Variants in FAM227B observed in about 807,000 individuals in gnomAD.
FAM227B encodes family with sequence similarity 227 member B, also known as protein FAM227B.
A neutral mutation model predicts 73.8 loss-of-function variants in FAM227B; 88 were observed. The ratio of observed to expected loss-of-function variants is 1.19; its 90% CI spans 1.00 to 1.42. The LOEUF (loss-of-function observed/expected upper bound fraction) is 1.42, where lower values mean the gene tolerates loss of function less well. Ranked by LOEUF, FAM227B falls within the 40% of genes most tolerant of loss-of-function variation. The pLI, the probability that FAM227B is intolerant of heterozygous loss-of-function variation, is 0.00. For missense variants in FAM227B, 632 were observed against 590.9 expected (o/e 1.07, Z -0.72); for synonymous variants, 210 against 190.5 (o/e 1.10, Z -0.84).
intron 10 of FAM227B, 111 bp from the exon 11 acceptor site, chr15:49,508,459 A>AGTTCCTTTTTT: frequency 3.9e-6 from 4 of 1,019,668 alleles, no homozygotes. Flanking sequence ...ACAACAAAAA[A>AGTTCCTTTTTT]GTTCCTTTTT....
At chr15:49,339,561 C>T (rs2040347276) in intron 13 of FAM227B, among the ~76,000 whole-genome samples, 1 of 152,132 alleles carries the variant, frequency 6.6e-6, no homozygotes, top group Admixed American at 6.5e-5. Flanking sequence ...TGTCTGTTGG[C>T]CCCTACTGGG....
intron 3 of FAM227B, among the ~76,000 whole-genome samples, chr15:49,595,908 A>G (rs1288636299): frequency 6.6e-6 from 1 of 151,746 alleles, no homozygotes; most frequent in East Asian, 1.9e-4. Flanking sequence ...ACCCAGTCCA[A>G]CAAAGACAAA....
chr15:49,502,131 A>G (rs1279401523), intron 11 of FAM227B, among the ~76,000 whole-genome samples: 1 of 152,248 alleles, frequency 6.6e-6, no homozygotes, highest in Admixed American at 6.5e-5. Context: ...GCCCTCATAG[A>G]TAACTTTTAT....
intron 1 of FAM227B, among the ~76,000 whole-genome samples, chr15:49,617,646 T>C (rs2153345458): frequency 6.6e-6 from 1 of 152,270 alleles, no homozygotes; most frequent in South Asian, 2.1e-4. Context: ...ATTCATCTCA[T>C]ATTAGTTTCT....
chr15:49,380,379 G>A (rs2046445050), intron 11 of FAM227B, among the ~76,000 whole-genome samples: 1 of 152,130 alleles, frequency 6.6e-6, no homozygotes, highest in South Asian at 2.1e-4. Flanking sequence ...GCCCTGCCAT[G>A]GCTTTGCTGG....
intron 11 of FAM227B, among the ~76,000 whole-genome samples, chr15:49,401,759 C>A (rs2048169319): frequency 7.5e-6 from 1 of 133,182 alleles, no homozygotes; most frequent in African/African-American, 2.7e-5. Context: ...GAACAAAAAA[C>A]CAAACACCGC....
intron 8 of FAM227B, among the ~76,000 whole-genome samples, chr15:49,571,218 A>G (rs2075075593): frequency 6.6e-6 from 1 of 151,750 alleles, no homozygotes; most frequent in Non-Finnish European, 1.5e-5. Context: ...TCCTGCTATT[A>G]AATTGTTTAA....
At chr15:49,363,356 T>C (rs548579923) in intron 13 of FAM227B, among the ~76,000 whole-genome samples, 2 of 152,334 alleles carry the variant, frequency 1.3e-5, no homozygotes, top group South Asian at 4.1e-4. Flanking sequence ...GTTAGCTGTA[T>C]TCCTAGGTAT....
rs150741014 is a variant in FAM227B at position 49,480,875 on chromosome 15, T to C, written c.1012+27336A>G. ...TTGGGAGAGGGGCAATATGAACTTA[T>C]TGTCATGACTGGACCAAAAAGGGAA... On this transcript the variant is annotated intron_variant, in intron 11 of 15. Transcript: ENST00000299338. 7.2e-3 allele frequency among the ~76,000 whole-genome samples: 1,102 copies of C among 152,302 alleles called. 6 individuals carry two copies. Among genetic ancestry groups the C allele is most frequent in the Non-Finnish European group, 0.012 (818 of 68,020 alleles).
chr15:49,396,384 T>G (rs949366328), intron 11 of FAM227B: 32 of 230,234 alleles, frequency 1.4e-4, no homozygotes, highest in Admixed American at 2.6e-4. Context: ...CACAGCAGTC[T>G]GAGATCAAAC....
intron 11 of FAM227B, among the ~76,000 whole-genome samples, chr15:49,473,561 G>T (rs1302303857): frequency 6.6e-6 from 1 of 152,088 alleles, no homozygotes; most frequent in Non-Finnish European, 1.5e-5. Context: ...AGAAAATATT[G>T]TGACAATCAT....
chr15:49,458,433 AG>A (rs2053511500), intron 11 of FAM227B, among the ~76,000 whole-genome samples: 1 of 152,056 alleles, frequency 6.6e-6, no homozygotes, highest in Non-Finnish European at 1.5e-5. Context: ...TCTCATTTAA[AG>A]GTTTTGGTTT....
At chr15:49,416,081 T>C (rs2049189350) in intron 11 of FAM227B, among the ~76,000 whole-genome samples, 1 of 151,782 alleles carries the variant, frequency 6.6e-6, no homozygotes, top group Non-Finnish European at 1.5e-5. Context: ...CTCTCACTAC[T>C]TTTTCCATTT....
rs1159992915 is a variant in FAM227B, at chr15:49,367,556, C to T, written c.1163G>A (p.Gly388Glu). 2.5e-6 allele frequency: 4 copies of T among 1,604,812 alleles called. No homozygotes were observed. The African/African-American group carries it at 5.4e-5, about 22-fold the overall frequency. ...ATATAAAATCAATGGACTCTGACCT[C>T]CAAAATTGAAGAGAACACGATTAAA... Reference protein sequence around the residue: ...PEFNRVLFNFGGQSPLILYYL... With the variant: ...PEFNRVLFNFEGQSPLILYYL... Residue 388 changes from glycine (G) to glutamate (E), a missense_variant, in exon 13 of 16, where the codon GGA becomes GAA. Physicochemically the swap from Gly to Glu is moderately conservative, Grantham distance 98. Transcript: ENST00000299338.
Position 49,498,739 on chromosome 15 carries a change from A to G in FAM227B, c.1012+9472T>C, listed in dbSNP as rs533974362. On this transcript the variant is annotated intron_variant, in intron 11 of 15. Coordinates refer to ENST00000299338, the MANE Select transcript of FAM227B (RefSeq NM_152647.3). ...CTTCAAGAGACCCATCTCATGTGAA[A>G]TGACACCCATAGACTCAAAATAAAG... is the stretch of plus-strand genomic sequence containing the variant. Among the ~76,000 whole-genome samples, 164 of 151,772 alleles carry G rather than the reference A, an allele frequency of 1.1e-3. 1 individual carries two copies. The highest frequency in any genetic ancestry group is 3.9e-3 in the African/African-American group (160 of 41,016).
intron 4 of FAM227B, among the ~76,000 whole-genome samples, chr15:49,589,215 A>G (rs1364054268): frequency 6.6e-6 from 1 of 152,146 alleles, no homozygotes; most frequent in Non-Finnish European, 1.5e-5. Flanking sequence ...CTGAGAGCCC[A>G]TATAGGTTAA....
At chr15:49,438,658 G>GGGTGTT (rs1213546636) in intron 11 of FAM227B, among the ~76,000 whole-genome samples, 2 of 151,668 alleles carry the variant, frequency 1.3e-5, no homozygotes, top group Non-Finnish European at 3.0e-5. Context: ...TATGGAACCT[G>GGGTGTT]GGTGTTAATC....
At chr15:49,339,920 G>A (rs1331100323) in intron 13 of FAM227B, among the ~76,000 whole-genome samples, 1 of 152,142 alleles carries the variant, frequency 6.6e-6, no homozygotes, top group East Asian at 1.9e-4. Flanking sequence ...TACACTGTGC[G>A]GGTAAAACTG....
At chr15:49,502,683 G>C (rs570408450) in intron 11 of FAM227B, among the ~76,000 whole-genome samples, 1 of 152,152 alleles carries the variant, frequency 6.6e-6, no homozygotes, top group Non-Finnish European at 1.5e-5. Context: ...TAAGATTTTC[G>C]GGGACTGTTG....
Sources: allele counts gnomAD v4.1 joint callset (sites outside exome capture counted in the v4.1 genomes callset), GRCh38; gene constraint gnomAD v4.1.1; transcripts MANE v1.5; gene names NCBI Gene and HGNC (gene_info 2026-07-23, HGNC 2026-07-21).